COPE: variants seen among roughly 807,000 people sequenced by gnomAD.
The protein encoded by COPE is coatomer subunit epsilon.
In COPE, 19 loss-of-function variants were observed where a neutral mutation model predicts 42.1. The observed-to-expected ratio is 0.45, with a 90% CI of 0.31 to 0.66. The LOEUF (loss-of-function observed/expected upper bound fraction) is 0.66, where lower values mean the gene tolerates loss of function less well. COPE is among the 30% of genes least tolerant of loss of function. COPE has a pLI of 0.05. For missense variants in COPE, 402 were observed against 416.1 expected (o/e 0.97, Z 0.30); for synonymous variants, 195 against 181.3 (o/e 1.08, Z -0.60).
intron 5 of COPE, 137 bp downstream of exon 5, chr19:18,905,439 G>T: frequency 2.3e-6 from 2 of 873,406 alleles, no homozygotes; most frequent in South Asian, 3.8e-5. Context: ...AGGGCTGAAC[G>T]ACAGCAAGCC....
Position 18,911,194 on chromosome 19 carries a change from T to C in COPE, c.190-123A>G, listed in dbSNP as rs559398664. The C allele has an allele frequency of 3.7e-5, 30 of 816,240 alleles. No individual in the cohort carries two copies. In the East Asian group the frequency reaches 7.5e-4, roughly 20 times the overall value. 50.6% of individuals were successfully genotyped at this position (816,240 alleles called of 1,614,324 possible). Reference sequence around the variant, plus strand: ...CCACCAGGGACCCCTCAGCCCAGCATGGGCCACCTCCACTGCAGTACACTG... The same window carrying C: ...CCACCAGGGACCCCTCAGCCCAGCACGGGCCACCTCCACTGCAGTACACTG... On this transcript the variant is annotated intron_variant, in intron 2 of 9. Transcript: ENST00000262812.
rs560953514 is a variant in COPE at position 18,905,642 on chromosome 19, G to A, written c.444-13C>T. ...TGTCATGGCTGTGCTGCAGGACAGG[G>A]CGAGGGGGCGGTCAGCGGGTCGCCA... On this transcript the variant is annotated splice_polypyrimidine_tract_variant and intron_variant, in intron 4 of 9. Transcript: ENST00000262812. 5 of 1,589,036 alleles carry A rather than the reference G, an allele frequency of 3.1e-6. No homozygotes were observed. In the African/African-American group the frequency reaches 5.3e-5, roughly 17 times the overall value.
chr19:18,918,351 AAG>A (rs1342279273), intron 1 of COPE, among the ~76,000 whole-genome samples: 5 of 130,194 alleles, frequency 3.8e-5, no homozygotes, highest in African/African-American at 1.3e-4. Context: ...TAGTCTGTAA[AAG>A]AGTGTTACTC....
At chr19:18,910,732 TG>T in intron 3 of COPE, 1 of 576,118 alleles carries the variant, frequency 1.7e-6, no homozygotes. Context: ...CATGAGGGCG[TG>T]TGCACACACA....
At chr19:18,919,017 C>CA (rs2056885687) in intron 1 of COPE, among the ~76,000 whole-genome samples, 1 of 152,286 alleles carries the variant, frequency 6.6e-6, no homozygotes, top group African/African-American at 2.4e-5. Flanking sequence ...AGAGAGAACG[C>CA]TGTACGAGTG....
chr19:18,916,190 C>CAA (rs200365409), intron 1 of COPE, among the ~76,000 whole-genome samples: 4 of 143,864 alleles, frequency 2.8e-5, no homozygotes, highest in African/African-American at 1.0e-4. Context: ...ATCTCAAAAA[C>CAA]AAAAAAACAA....
At chr19:18,911,703 C>T (rs2056812183) in intron 2 of COPE, among the ~76,000 whole-genome samples, 1 of 152,062 alleles carries the variant, frequency 6.6e-6, no homozygotes, top group African/African-American at 2.4e-5. Context: ...AGGCGCCCGC[C>T]ACCACGCCCG....
intron 2 of COPE, chr19:18,911,292 C>A (rs1341854586): frequency 3.0e-5 from 17 of 568,992 alleles, no homozygotes; most frequent in Non-Finnish European, 5.1e-5. Flanking sequence ...ACTGCCCATG[C>A]CTTGAGCTAG....
intron 1 of COPE, among the ~76,000 whole-genome samples, chr19:18,917,952 A>G (rs559228898): frequency 2.0e-5 from 3 of 152,006 alleles, no homozygotes; most frequent in South Asian, 2.1e-4. Flanking sequence ...ACACTTTGGT[A>G]GGCCAAGGCG....
At chr19:18,905,417 A>AT (rs2056748975) in intron 5 of COPE, among the ~76,000 whole-genome samples, 159 bp downstream of exon 5, 2 of 152,090 alleles carry the variant, frequency 1.3e-5, no homozygotes, top group Non-Finnish European at 2.9e-5. Flanking sequence ...CCCTGGCAAC[A>AT]TACTGCAGGG....
chr19:18,913,407 T>C (rs1243985430), intron 1 of COPE, among the ~76,000 whole-genome samples: 1 of 152,212 alleles, frequency 6.6e-6, no homozygotes, highest in Non-Finnish European at 1.5e-5. Flanking sequence ...CATTTTGAGC[T>C]CAGTTTGGCT....
rs538708102 is a variant in COPE at position 18,905,913 on chromosome 19, G to A, written c.444-284C>T. 34 of 532,408 alleles carry A rather than the reference G, an allele frequency of 6.4e-5. No homozygotes were observed. The Middle Eastern group carries it at 8.0e-4, about 13-fold the overall frequency. 33.0% of individuals were successfully genotyped at this position (532,408 alleles called of 1,614,324 possible). On this transcript the variant is annotated intron_variant, in intron 4 of 9. Coordinates refer to ENST00000262812, the MANE Select transcript of COPE (RefSeq NM_007263.4). ...TCCATGGGCTGTGCTTCCAGATGGA[G>A]GGCCCTGCCCGGACTCGACACCCTG... is the stretch of plus-strand genomic sequence containing the variant.
Position 18,919,247 on chromosome 19 carries a change from GC to G in COPE, c.101del (p.Cys34SerfsTer2). The G allele has an allele frequency of 6.2e-7, 1 of 1,613,630 alleles. No individual in the cohort carries two copies. Among genetic ancestry groups the G allele is most frequent in the Non-Finnish European group, 8.5e-7 (1 of 1,179,938 alleles). On this transcript the variant is annotated frameshift_variant, in exon 1 of 10. Coordinates refer to ENST00000262812, the MANE Select transcript of COPE (RefSeq NM_007263.4). LOFTEE classifies it high-confidence loss of function. ...CCTTCACCCGCTGCGCCTCGTTTATGCACTGCTGGTAGCTGCCGATGTAGAA... is the reference window on the plus strand; with the variant it reads ...CCTTCACCCGCTGCGCCTCGTTTATGACTGCTGGTAGCTGCCGATGTAGAA... Reference protein sequence around the residue: ...NAFYIGSYQQCINEAQRVKLS... With the variant: ...NAFYIGSYQQXINEAQRVKLS...
In COPE at chr19:18,910,982, G is replaced by C. The variant is rs200762688; in HGVS notation, c.279C>G (p.His93Gln). 5.6e-6 allele frequency: 9 copies of C among 1,613,716 alleles called. No individual in the cohort carries two copies. The highest frequency in any genetic ancestry group is 6.8e-6 in the Non-Finnish European group (8 of 1,179,988). The change falls in exon 3 of 10, where the codon CAC (histidine) becomes CAG (glutamine). Residue 93 changes from histidine to glutamine, a missense_variant. Coordinates refer to ENST00000262812, the MANE Select transcript of COPE (RefSeq NM_007263.4). ...CTCTGGGGCCTCACCTCCGACTCTC[G>C]TGGGCGAGGTAGTCAGCAAACATGC... The part of the protein sequence containing the change: ...AVRMFADYLA[H>Q]ESRRDSIVAE...
chr19:18,901,551 T>C (rs1392715275), intron 7 of COPE, among the ~76,000 whole-genome samples: 1 of 152,194 alleles, frequency 6.6e-6, no homozygotes, highest in Non-Finnish European at 1.5e-5. Flanking sequence ...CCAGCCCCGC[T>C]CTGCAAACAA....
At position 18,900,351 on chromosome 19, in the gene COPE, G is replaced by T. The variant is rs906762147; in HGVS notation, c.804+30C>A. 2.8e-5 allele frequency: 43 copies of T among 1,532,422 alleles called. No individual in the cohort carries two copies. The African/African-American group carries it at 3.2e-4, about 11-fold the overall frequency. The allele number at this position is 1,532,422 out of a possible 1,614,324, so 94.9% of individuals were successfully genotyped here. On this transcript the variant is annotated intron_variant, in intron 8 of 9. Coordinates refer to ENST00000262812, the MANE Select transcript of COPE (RefSeq NM_007263.4). ...TGGGGTCCCAGGGTCTGGACATTAG[G>T]GTTGGCCTGGAGCCCTGGGGGCCGC...
At chr19:18,906,866 CATGACGACAGCCAGCGAGGCCGTGCGCAG>C in intron 4 of COPE, 65 bp downstream of exon 4, 1 of 1,391,470 alleles carries the variant, frequency 7.2e-7, no homozygotes, top group Middle Eastern at 2.5e-4. Context: ...TCTCTGCTCC[CATGACGACAGCCAGCGAGGCCGTGCGCAG>C]CCTGGAGATG....
chr19:18,903,558 C>T lies in COPE; in HGVS notation c.580-135G>A, dbSNP rs1265770125. The T allele has an allele frequency of 3.8e-6, 4 of 1,056,418 alleles. No homozygotes were observed. The African/African-American group carries it at 6.7e-5, about 18-fold the overall frequency. The allele number at this position is 1,056,418 out of a possible 1,614,324, so 65.4% of individuals were successfully genotyped here. On this transcript the variant is annotated intron_variant, in intron 6 of 9. Coordinates refer to ENST00000262812, the MANE Select transcript of COPE (RefSeq NM_007263.4). Reference sequence around the variant, plus strand: ...GTGTGCCCGGTTCAAGGCACAGCCACTCCGCCATGGGGACTACCCGTAACT... The same window carrying T: ...GTGTGCCCGGTTCAAGGCACAGCCATTCCGCCATGGGGACTACCCGTAACT...
chr19:18,905,670 G>C (rs754891798), intron 4 of COPE, 41 bp from the exon 5 acceptor site: 8 of 1,571,890 alleles, frequency 5.1e-6, no homozygotes, highest in Non-Finnish European at 6.9e-6. Context: ...GGTCGCCACA[G>C]ACACATTGCA....
Sources: allele counts gnomAD v4.1 joint callset (sites outside exome capture counted in the v4.1 genomes callset), GRCh38; gene constraint gnomAD v4.1.1; transcripts MANE v1.5; gene names NCBI Gene and HGNC (gene_info 2026-07-23, HGNC 2026-07-21).